TACC2: variants seen among roughly 807,000 people sequenced by gnomAD.
TACC2 encodes the protein transforming acidic coiled-coil containing protein 2.
A neutral mutation model predicts 227.3 loss-of-function variants in TACC2; 137 were observed. That is an observed-to-expected ratio of 0.60 (90% confidence interval 0.52 to 0.69). TACC2 has a LOEUF of 0.69. Ranked by LOEUF, TACC2 falls within the 30% of genes least tolerant of loss-of-function variation. The pLI, the probability that TACC2 is intolerant of heterozygous loss-of-function variation, is 0.00. For synonymous variants in TACC2, 1,523 were observed against 1,487.5 expected (o/e 1.02, Z -0.55); for missense variants, 3,470 against 3,694.4 (o/e 0.94, Z 1.57).
At chr10:122,229,507 C>T in intron 15 of TACC2, 21 bp downstream of exon 15, 1 of 1,613,620 alleles carries the variant, frequency 6.2e-7, no homozygotes, top group Non-Finnish European at 8.5e-7. Context: ...CACGTGTGAC[C>T]TTTTGGGAGT....
At chr10:122,022,056 T>A (rs757102724) in intron 2 of TACC2, 42 bp downstream of exon 2, 2 of 1,607,488 alleles carry the variant, frequency 1.2e-6, no homozygotes, top group Non-Finnish European at 1.7e-6. Context: ...CGTGGTGCTC[T>A]TGGCAGACCT....
intron 7 of TACC2, among the ~76,000 whole-genome samples, chr10:122,175,966 A>T (rs1054146521): frequency 6.6e-6 from 1 of 151,992 alleles, no homozygotes; most frequent in South Asian, 2.1e-4. Context: ...CTATAGTCCC[A>T]GTTGCTTGGG....
intron 1 of TACC2, among the ~76,000 whole-genome samples, chr10:121,992,401 T>C (rs1290483749): frequency 1.3e-5 from 2 of 152,226 alleles, no homozygotes; most frequent in Non-Finnish European, 2.9e-5. Context: ...TTAATGCTTT[T>C]TCCAACAGGA....
intron 1 of TACC2, among the ~76,000 whole-genome samples, chr10:122,012,418 CAAAAAAAAAAA>C (rs752342348): frequency 9.9e-5 from 6 of 60,726 alleles, no homozygotes; most frequent in Non-Finnish European, 1.7e-4. Context: ...GACTCCGTCT[CAAAAAAAAAAA>C]AAAAAAAAAA....
intron 1 of TACC2, among the ~76,000 whole-genome samples, chr10:122,004,853 C>G (rs189907046): frequency 6.6e-6 from 1 of 152,222 alleles, no homozygotes; most frequent in Non-Finnish European, 1.5e-5. Context: ...TGGGCACTTA[C>G]AATTATTATT....
At chr10:122,027,937 G>A in intron 2 of TACC2, among the ~76,000 whole-genome samples, 1 of 151,694 alleles carries the variant, frequency 6.6e-6, no homozygotes, top group South Asian at 2.1e-4. Context: ...TAGAGACGGG[G>A]TTTCACCGTG....
chr10:122,002,921 G>A (rs1954587634), intron 1 of TACC2, among the ~76,000 whole-genome samples: 1 of 152,086 alleles, frequency 6.6e-6, no homozygotes, highest in African/African-American at 2.4e-5. Context: ...TTAGGCTTTT[G>A]TCTGGGCATG....
intron 5 of TACC2, among the ~76,000 whole-genome samples, chr10:122,125,582 G>A (rs1451849664): frequency 6.6e-6 from 1 of 152,108 alleles, no homozygotes; most frequent in African/African-American, 2.4e-5. Context: ...GCTAGACCCT[G>A]GGTGTCTGCT....
At chr10:122,042,550 C>G (rs978936625) in intron 2 of TACC2, among the ~76,000 whole-genome samples, 2 of 152,180 alleles carry the variant, frequency 1.3e-5, no homozygotes, top group Admixed American at 6.5e-5. Context: ...GCCTGAACTT[C>G]TGATTAACTG....
chr10:122,028,791 C>T (rs1243461832), intron 2 of TACC2, among the ~76,000 whole-genome samples: 1 of 74,430 alleles, frequency 1.3e-5, no homozygotes. Context: ...CGCTCCCCTC[C>T]CCTCCCCTCC....
intron 8 of TACC2, among the ~76,000 whole-genome samples, chr10:122,202,013 CTTTT>C (rs767544440): frequency 9.8e-6 from 1 of 102,366 alleles, no homozygotes; most frequent in Non-Finnish European, 2.1e-5. Context: ...TCTTCTTTAG[CTTTT>C]TTTTTTTTTT....
chr10:122,215,289 C>A, intron 9 of TACC2, 102 bp from the exon 10 acceptor site: 1 of 1,051,674 alleles, frequency 9.5e-7, no homozygotes, highest in Non-Finnish European at 1.5e-6. Flanking sequence ...GTGGCCTGGG[C>A]CAGATGGCTC....
In TACC2 at chr10:122,084,063, G is replaced by A. The variant is rs192159808; in HGVS notation, c.1563G>A (p.Glu521=). ...PGVPPPPLPK[E]QSHEVQPGAP... is the part of the protein sequence containing the mutation. The stretch of plus-strand genomic sequence containing the variant: ...TACCACCCCCTCCTCTTCCCAAGGA[G>A]CAAAGCCATGAGGTCCAACCAGGAG... Residue 521 remains glutamate, a synonymous_variant, in exon 4 of 23, where the codon GAG becomes GAA. Transcript: ENST00000369005. 8 of 1,613,904 alleles carry A rather than the reference G, an allele frequency of 5.0e-6. No homozygotes were observed. The East Asian group carries it at 1.6e-4, about 31-fold the overall frequency.
chr10:122,098,011 A>G (rs144727636), intron 5 of TACC2, among the ~76,000 whole-genome samples: 1 of 152,222 alleles, frequency 6.6e-6, no homozygotes, highest in African/African-American at 2.4e-5. Flanking sequence ...CTCCTCTGCT[A>G]GAAAGAGGTT....
chr10:121,995,680 C>T (rs79069897), intron 1 of TACC2, among the ~76,000 whole-genome samples: 23,238 of 152,154 alleles, frequency 0.15, 2,176 homozygotes, highest in Admixed American at 0.24. Flanking sequence ...AGGAAGCTTT[C>T]ACTCATGGTG....
At chr10:122,214,185 A>G (rs945048869) in intron 9 of TACC2, among the ~76,000 whole-genome samples, 22 of 152,164 alleles carry the variant, frequency 1.4e-4, no homozygotes, top group African/African-American at 3.9e-4. Flanking sequence ...GGTCGAGTCC[A>G]TCAGACTCTC....
Position 122,087,059 on chromosome 10 carries a change from G to A in TACC2, c.4559G>A (p.Gly1520Asp), listed in dbSNP as rs556256653. ...PGAGVGKEMA[G>D]VPPTLREDER... ...GCCGGTGTGGGGAAGGAGATGGCAG[G>A]TGTCCCACCCACACTGAGGGAAGAC... Residue 1520 changes from glycine to aspartate, a missense_variant, in exon 4 of 23, where the codon GGT becomes GAT. Gly to Asp is a moderately conservative substitution (Grantham distance 94). Around this residue, in one of 10 missense-constraint regions of TACC2, gnomAD observed 1,924 missense variants for 1,978.3 expected, o/e 0.97. Coordinates refer to ENST00000369005, the MANE Select transcript of TACC2 (RefSeq NM_206862.4). 2 of 1,613,524 alleles carry A rather than the reference G, an allele frequency of 1.2e-6. No homozygotes were observed. Among genetic ancestry groups the A allele is most frequent in the Middle Eastern group, 1.7e-4 (1 of 6,056 alleles).
At position 122,010,398 on chromosome 10, in the gene TACC2, G is replaced by A. The variant is rs576394388; in HGVS notation, c.-45-11539G>A. Among the ~76,000 whole-genome samples the A allele has an allele frequency of 2.6e-5, 4 of 152,334 alleles. No homozygotes were observed. In the South Asian group the frequency reaches 6.2e-4, roughly 24 times the overall value. On this transcript the variant is annotated intron_variant, in intron 1 of 22. Transcript: ENST00000369005. The stretch of plus-strand genomic sequence containing the variant: ...TCTTGTCTGCAGAGAGGGACGGTAT[G>A]GAAATTGCGAGTAAGGGGAACCTTA...
At chr10:122,170,780 G>A (rs972815293) in intron 7 of TACC2, among the ~76,000 whole-genome samples, 6 of 152,122 alleles carry the variant, frequency 3.9e-5, no homozygotes, top group Non-Finnish European at 7.4e-5. Context: ...TCCTCCCCTC[G>A]CCTGATGTTC....
Sources: gnomAD v4.1 joint callset for allele counts (sites outside exome capture counted in the v4.1 genomes callset) on GRCh38, gnomAD v4.1.1 for gene constraint, gnomAD v4.1.1 regional missense constraint, MANE v1.5 for transcripts, NCBI Gene and HGNC (gene_info 2026-07-23, HGNC 2026-07-21) for gene names.